Variants in CAMTA1 observed in about 807,000 individuals in gnomAD.
The protein encoded by CAMTA1 is calmodulin-binding transcription activator 1.
A neutral mutation model predicts 170.9 loss-of-function variants in CAMTA1; 27 were observed. That is an observed-to-expected ratio of 0.16 (90% CI 0.12 to 0.22). The LOEUF is 0.22. Among genes scored for constraint, CAMTA1 ranks in the 10% least tolerant of loss-of-function variants. The pLI is 1.00. For missense variants in CAMTA1, 1,619 were observed against 2,217.2 expected, an observed-to-expected ratio of 0.73 and a Z score of 5.42; for synonymous variants, 833 against 891.5, an observed-to-expected ratio of 0.93 and a Z score of 1.17.
At chr1:6,850,444 T>C (rs1659953690) in intron 3 of CAMTA1, among the ~76,000 whole-genome samples, 1 of 152,156 alleles carries the variant, frequency 6.6e-6, no homozygotes, top group Non-Finnish European at 1.5e-5. Context: ...AAAATTTTGA[T>C]AAAATGACAG....
chr1:6,845,723 T>C (rs1408082210), intron 3 of CAMTA1, among the ~76,000 whole-genome samples: 2 of 152,228 alleles, frequency 1.3e-5, no homozygotes, highest in African/African-American at 4.8e-5. Context: ...CTGCTATTCT[T>C]TGGAAAGCTA....
intron 19 of CAMTA1, 146 bp downstream of exon 19, chr1:7,747,927 T>A (rs1478553314): frequency 7.2e-6 from 4 of 557,298 alleles, no homozygotes; most frequent in African/African-American, 2.0e-5. Context: ...TTTATTTTTT[T>A]TTTGAAACGG....
At chr1:7,054,315 C>T (rs985314929) in intron 3 of CAMTA1, among the ~76,000 whole-genome samples, 4 of 152,248 alleles carry the variant, frequency 2.6e-5, no homozygotes, top group African/African-American at 9.6e-5. Flanking sequence ...CTCTGCATGT[C>T]TGGGTTTCTA....
At chr1:6,795,454 G>T (rs144409026) in intron 1 of CAMTA1, among the ~76,000 whole-genome samples, 2 of 151,864 alleles carry the variant, frequency 1.3e-5, no homozygotes, top group Admixed American at 6.6e-5. Flanking sequence ...TCAGCCTCCC[G>T]AAGTGCTGGG....
At chr1:7,227,803 C>T (rs1250289782) in intron 4 of CAMTA1, among the ~76,000 whole-genome samples, 9 of 152,142 alleles carry the variant, frequency 5.9e-5, no homozygotes, top group Non-Finnish European at 1.3e-4. Context: ...TTGTATGCTG[C>T]GTGAGGACAG....
intron 4 of CAMTA1, among the ~76,000 whole-genome samples, chr1:7,168,124 G>A (rs188104088): frequency 1.3e-5 from 2 of 152,224 alleles, no homozygotes; most frequent in Admixed American, 1.3e-4. Context: ...TTGCAATTAT[G>A]TGTTATTTTA....
chr1:7,287,484 T>C (rs1672508938), intron 5 of CAMTA1, among the ~76,000 whole-genome samples: 1 of 152,202 alleles, frequency 6.6e-6, no homozygotes, highest in Admixed American at 6.5e-5. Flanking sequence ...CCTTTCCTTC[T>C]TCTCCTTCAT....
chr1:7,104,367 C>T (rs1280278902), intron 4 of CAMTA1, among the ~76,000 whole-genome samples: 1 of 84,400 alleles, frequency 1.2e-5, no homozygotes, highest in African/African-American at 4.9e-5. Context: ...ACTCAATACA[C>T]ATACACACAC....
intron 3 of CAMTA1, among the ~76,000 whole-genome samples, chr1:6,989,713 C>T (rs977948532): frequency 3.3e-5 from 5 of 152,110 alleles, no homozygotes; most frequent in African/African-American, 7.2e-5. Context: ...GGTGCTACCT[C>T]GGGAAGAGTT....
intron 4 of CAMTA1, among the ~76,000 whole-genome samples, chr1:7,118,124 G>A (rs1015026056): frequency 9.2e-5 from 14 of 152,056 alleles, no homozygotes; most frequent in Non-Finnish European, 1.8e-4. Flanking sequence ...CATGCCTGTG[G>A]TTGTCTCTAT....
At chr1:7,687,593 C>T (rs1167805533) in intron 11 of CAMTA1, among the ~76,000 whole-genome samples, 1 of 152,202 alleles carries the variant, frequency 6.6e-6, no homozygotes, top group Non-Finnish European at 1.5e-5. Context: ...CCCACTGCCC[C>T]ATCCACTGCT....
At chr1:7,517,420 C>T (rs975459542) in intron 6 of CAMTA1, among the ~76,000 whole-genome samples, 5 of 152,100 alleles carry the variant, frequency 3.3e-5, no homozygotes, top group Admixed American at 1.3e-4. Context: ...AATGGGTACA[C>T]GAATCCTGTT....
At position 7,444,410 on chromosome 1, in the gene CAMTA1, C is replaced by T. The variant is rs529504259; in HGVS notation, c.439-23420C>T. 5.9e-5 allele frequency among the ~76,000 whole-genome samples: 9 copies of T among 152,330 alleles called. No homozygotes were observed. In the East Asian group the frequency reaches 1.7e-3, roughly 30 times the overall value. ...TGGGCTGGCACCAGCCTGAGCAGGT[C>T]TCAGGGAATATGGTGAGGAGGCAGC... On this transcript the variant is annotated intron_variant, in intron 5 of 22. Transcript: ENST00000303635.
chr1:6,979,792 C>T (rs1246157776), intron 3 of CAMTA1, among the ~76,000 whole-genome samples: 8 of 150,780 alleles, frequency 5.3e-5, no homozygotes, highest in African/African-American at 7.3e-5. Flanking sequence ...CTCATGGTGG[C>T]GTAGCTGGGG....
chr1:7,165,801 C>T (rs1205976297), intron 4 of CAMTA1, among the ~76,000 whole-genome samples: 2 of 152,108 alleles, frequency 1.3e-5, no homozygotes, highest in African/African-American at 4.8e-5. Flanking sequence ...CAATACATGG[C>T]ATTGTTTTGC....
intron 5 of CAMTA1, among the ~76,000 whole-genome samples, chr1:7,409,118 G>C (rs1289214037): frequency 2.6e-5 from 4 of 152,202 alleles, no homozygotes; most frequent in African/African-American, 9.7e-5. Flanking sequence ...GAGCCCAAGG[G>C]CTCTGACCTC....
intron 3 of CAMTA1, among the ~76,000 whole-genome samples, chr1:6,900,867 T>A (rs4908426): frequency 0.13 from 20,364 of 152,272 alleles, 1,797 homozygotes; most frequent in Admixed American, 0.28. Flanking sequence ...ATTTATGAAT[T>A]CCGTGCCATC....
At chr1:7,552,299 G>A (rs535324887) in intron 6 of CAMTA1, among the ~76,000 whole-genome samples, 2 of 152,242 alleles carry the variant, frequency 1.3e-5, no homozygotes, top group Non-Finnish European at 2.9e-5. Context: ...CTCTGAGCCC[G>A]GACCTCACTC....
At chr1:7,571,108 T>A (rs1051129647) in intron 6 of CAMTA1, among the ~76,000 whole-genome samples, 12 of 152,152 alleles carry the variant, frequency 7.9e-5, no homozygotes, top group Non-Finnish European at 1.3e-4. Context: ...TATAGCAAAA[T>A]GACATAAACT....
Sources: allele counts gnomAD v4.1 joint callset (sites outside exome capture counted in the v4.1 genomes callset), GRCh38; gene constraint gnomAD v4.1.1; transcripts MANE v1.5; gene names NCBI Gene and HGNC (gene_info 2026-07-23, HGNC 2026-07-21).